The following RUNX3 variants were observed in gnomAD, a reference collection of about 807,000 sequenced individuals.
RUNX3 encodes the protein runt-related transcription factor 3.
A neutral mutation model predicts 27.7 loss-of-function variants in RUNX3; 10 were observed. The ratio of observed to expected loss-of-function variants is 0.36; its 90% CI spans 0.22 to 0.61. The LOEUF (loss-of-function observed/expected upper bound fraction) is 0.61, where lower values mean the gene tolerates loss of function less well. RUNX3 is among the 20% of genes least tolerant of loss of function. The pLI is 0.72. For missense variants in RUNX3, 469 were observed against 629.5 expected (o/e 0.75, Z 2.73); for synonymous variants, 270 against 269.2 (o/e 1.00, Z -0.03).
intron 2 of RUNX3, among the ~76,000 whole-genome samples, chr1:24,952,602 A>G (rs1478006036): frequency 1.3e-5 from 2 of 152,222 alleles, no homozygotes; most frequent in African/African-American, 4.8e-5. Flanking sequence ...GCTGTGAGGA[A>G]CACCCTCTCG....
rs763603035 is a variant in RUNX3 at position 24,929,217 on chromosome 1, AC to A, written c.282+369del. On this transcript the variant is annotated intron_variant, in intron 1 of 4. Transcript: ENST00000308873. ...TAGGCCCTTTCACCGTTCGCACCCC[AC>A]CCGCGGTGTCCTTGCCCCTGTCCCG... 131 of 513,238 alleles carry A rather than the reference AC, an allele frequency of 2.6e-4. 1 individual carries two copies. Among genetic ancestry groups the A allele is most frequent in the Non-Finnish European group, 3.0e-4 (78 of 264,352 alleles). 31.8% of individuals were successfully genotyped at this position (513,238 alleles called of 1,614,324 possible).
chr1:24,916,744 C>T lies in RUNX3; in HGVS notation c.544+2496G>A, dbSNP rs1180206831. 1.3e-5 allele frequency among the ~76,000 whole-genome samples: 2 copies of T among 152,144 alleles called. No individual in the cohort carries two copies. The highest frequency in any genetic ancestry group is 4.8e-5 in the African/African-American group (2 of 41,426). ...GATGGGGGACCTAGTAGACTGCCCC[C>T]CGACTCCATCTCTGCTCTGTTCTGT... On this transcript the variant is annotated intron_variant, in intron 3 of 4. Transcript: ENST00000308873. The surrounding 1 kb of genome is among the most constrained non-coding windows in gnomAD (Gnocchi z 4.8).
At chr1:24,937,386 C>A (rs1324346162) in intron 2 of RUNX3, among the ~76,000 whole-genome samples, 1 of 152,228 alleles carries the variant, frequency 6.6e-6, no homozygotes, top group Admixed American at 6.5e-5. Context: ...GACCACAAAT[C>A]CACCCCTCAT....
intron 2 of RUNX3, among the ~76,000 whole-genome samples, chr1:24,952,537 T>C (rs1641792810): frequency 1.3e-5 from 2 of 152,200 alleles, no homozygotes; most frequent in African/African-American, 2.4e-5. Flanking sequence ...TGAACACACG[T>C]TGGGAGATGC....
At chr1:24,955,471 G>A (rs1224838706) in intron 2 of RUNX3, among the ~76,000 whole-genome samples, 4 of 152,182 alleles carry the variant, frequency 2.6e-5, no homozygotes, top group African/African-American at 7.2e-5. Context: ...CCCAGCACAC[G>A]GAGCTGTGAT....
chr1:24,918,246 T>A (rs1312826645), intron 3 of RUNX3, among the ~76,000 whole-genome samples: 1 of 152,156 alleles, frequency 6.6e-6, no homozygotes, highest in African/African-American at 2.4e-5. Flanking sequence ...GCCCCAGGCC[T>A]CCTGCCCCAG....
At chr1:24,919,952 T>C (rs374068602) in intron 2 of RUNX3, among the ~76,000 whole-genome samples, 75 of 152,310 alleles carry the variant, frequency 4.9e-4, no homozygotes, top group Middle Eastern at 6.8e-3. Context: ...AAACTTCGTT[T>C]TTAATGGCTG....
chr1:24,910,508 G>T (rs1184718146), intron 3 of RUNX3, among the ~76,000 whole-genome samples: 2 of 152,140 alleles, frequency 1.3e-5, no homozygotes, highest in Admixed American at 1.3e-4. Flanking sequence ...ACCACTGTAG[G>T]GCATGAGGGG....
At chr1:24,957,728 G>A (rs1309629170) in intron 2 of RUNX3, among the ~76,000 whole-genome samples, 1 of 152,210 alleles carries the variant, frequency 6.6e-6, no homozygotes, top group Non-Finnish European at 1.5e-5. Flanking sequence ...TGCTGTGCAC[G>A]TGATACACAC....
intron 2 of RUNX3, among the ~76,000 whole-genome samples, chr1:24,919,712 A>G (rs1420920909): frequency 6.6e-6 from 1 of 152,060 alleles, no homozygotes; most frequent in African/African-American, 2.4e-5. Context: ...TTTGTAGAAA[A>G]ATTCAAGAAC....
rs751887340 is a variant in RUNX3 at position 24,902,491 on chromosome 1, G to C, written c.879C>G (p.Ser293Arg). The part of the protein sequence containing the change: ...TPSGTSISSL[S>R]VAGMPATSRF... ...GGCTGGTGGCCGGCATGCCCGCCAC[G>C]CTGAGGCTGCTGATGCTCGTGCCCG... The change falls in exon 5 of 5, where the codon AGC (serine) becomes AGG (arginine). Residue 293 changes from serine to arginine, a missense_variant. Ser to Arg is a moderately radical substitution (Grantham distance 110). Around this residue, in one of 3 missense-constraint regions of RUNX3, gnomAD observed 279 missense variants for 343.0 expected, o/e 0.81. Transcript: ENST00000308873. This position sits in a 1 kb window ranked among gnomAD's most constrained non-coding sequence, Gnocchi z 9.2. The C allele has an allele frequency of 6.3e-7, 1 of 1,599,874 alleles. No homozygotes were observed. Among genetic ancestry groups the C allele is most frequent in the Admixed American group, 1.7e-5 (1 of 59,612 alleles).
At chr1:24,908,385 G>A (rs1349581383) in intron 3 of RUNX3, among the ~76,000 whole-genome samples, 1 of 152,162 alleles carries the variant, frequency 6.6e-6, no homozygotes, top group Admixed American at 6.5e-5. Flanking sequence ...AGTGGCTTAC[G>A]CCTATAATCT....
At chr1:24,935,469 T>A (rs1005733) in intron 2 of RUNX3, among the ~76,000 whole-genome samples, 69,296 of 152,086 alleles carry the variant, frequency 0.46, 17,666 homozygotes, top group South Asian at 0.58. Context: ...CACCCTGTTC[T>A]GCAGGTGGGT....
At position 24,930,238 on chromosome 1, in the gene RUNX3, G is replaced by C; in HGVS notation, c.-370C>G. 2.0e-6 allele frequency: 2 copies of C among 982,732 alleles called. No individual in the cohort carries two copies. The highest frequency in any genetic ancestry group is 2.4e-6 in the Non-Finnish European group (2 of 828,824). The allele number at this position is 982,732 out of a possible 1,614,324, so 60.9% of individuals were successfully genotyped here. A position where few individuals can be genotyped will look rare whatever the true frequency, so the allele number is the denominator to read the frequency against. On this transcript the variant is annotated 5_prime_UTR_variant, in exon 1 of 5. Coordinates refer to ENST00000308873, the MANE Select transcript of RUNX3 (RefSeq NM_004350.3). The surrounding 1 kb of genome is among the most constrained non-coding windows in gnomAD (Gnocchi z 4.1). ...TCGCCCGCGGCCGCCCCGACTCCGCGGCCGCAGCCCCAGAACAAATCCTCC... is the reference window on the plus strand; with the variant it reads ...TCGCCCGCGGCCGCCCCGACTCCGCCGCCGCAGCCCCAGAACAAATCCTCC...
chr1:24,920,286 C>A (rs1228325854), intron 2 of RUNX3, among the ~76,000 whole-genome samples: 1 of 151,768 alleles, frequency 6.6e-6, no homozygotes, highest in African/African-American at 2.4e-5. Flanking sequence ...GTCTGCATCT[C>A]TGCTTATTTC....
At chr1:24,959,056 C>T (rs764299863) in intron 2 of RUNX3, among the ~76,000 whole-genome samples, 4 of 152,324 alleles carry the variant, frequency 2.6e-5, no homozygotes, top group South Asian at 4.1e-4. Flanking sequence ...CAGAGGCTGC[C>T]ACTCTCCTCC....
intron 2 of RUNX3, among the ~76,000 whole-genome samples, chr1:24,926,455 T>C (rs1027658457): frequency 6.6e-6 from 1 of 152,236 alleles, no homozygotes; most frequent in Admixed American, 6.5e-5. Context: ...TTCAGTTTCA[T>C]AAAAAGTAAC....
chr1:24,931,441 G>T (rs1641225856), upstream of RUNX3, among the ~76,000 whole-genome samples: 1 of 152,180 alleles, frequency 6.6e-6, no homozygotes. Flanking sequence ...CCTAGGGGCC[G>T]GCTACAGTTG....
In RUNX3 at chr1:24,962,729, C is replaced by T. The variant is rs973980697; in HGVS notation, c.58+1785G>A. Among the ~76,000 whole-genome samples, 4 of 152,320 alleles carry T rather than the reference C, an allele frequency of 2.6e-5. No homozygotes were observed. The South Asian group carries it at 6.2e-4, about 24-fold the overall frequency. On this transcript the variant is annotated intron_variant, in intron 2 of 6. Transcript: ENST00000338888. This position sits in a 1 kb window ranked among gnomAD's most constrained non-coding sequence, Gnocchi z 4.5. Reference sequence around the variant, plus strand: ...CCCGCTCTGCCCAGCGGCCTCCTGTCTCTGGGCGCATACATGACATGTTGG... The same window carrying T: ...CCCGCTCTGCCCAGCGGCCTCCTGTTTCTGGGCGCATACATGACATGTTGG...
Sources: gnomAD v4.1 joint callset for allele counts (sites outside exome capture counted in the v4.1 genomes callset) on GRCh38, gnomAD v4.1.1 for gene constraint, gnomAD v4.1.1 regional missense constraint, Gnocchi (gnomAD v3.1) non-coding constraint, MANE v1.5 for transcripts, NCBI Gene and HGNC (gene_info 2026-07-23, HGNC 2026-07-21) for gene names.